Variants in OPCML observed in about 807,000 individuals in gnomAD.
OPCML encodes the protein opioid-binding protein/cell adhesion molecule.
OPCML carries 13 observed loss-of-function variants against 37.8 expected under a neutral mutation model. The ratio of observed to expected loss-of-function variants is 0.34; its 90% CI spans 0.22 to 0.55. The LOEUF (loss-of-function observed/expected upper bound fraction) is 0.55, where lower values mean the gene tolerates loss of function less well. Ranked by LOEUF, OPCML falls within the 20% of genes least tolerant of loss-of-function variation. OPCML has a pLI of 0.91. For missense variants in OPCML, 341 were observed against 435.6 expected (o/e 0.78, Z 1.93); for synonymous variants, 176 against 168.8 (o/e 1.04, Z -0.33).
intron 1 of OPCML, among the ~76,000 whole-genome samples, chr11:133,011,474 G>T (rs149513779): frequency 1.2e-4 from 19 of 152,236 alleles, no homozygotes; most frequent in African/African-American, 4.3e-4. Context: ...TTAGGTTCCC[G>T]AGATTCCATG....
At chr11:132,960,880 C>T (rs1946078624) in intron 1 of OPCML, among the ~76,000 whole-genome samples, 1 of 152,180 alleles carries the variant, frequency 6.6e-6, no homozygotes, top group South Asian at 2.1e-4. Context: ...GAGACTGGGT[C>T]TGCAGCTGGA....
intron 3 of OPCML, among the ~76,000 whole-genome samples, chr11:132,569,916 ACCCAGAGG>A (rs1310226586): frequency 3.9e-5 from 6 of 151,982 alleles, no homozygotes; most frequent in Admixed American, 1.3e-4. Flanking sequence ...AAATTTCACC[ACCCAGAGG>A]CCTTGATCCT....
rs182162312 is a variant in OPCML, at chr11:133,387,449, G to C, written c.61+144815C>G. 1.9e-4 allele frequency among the ~76,000 whole-genome samples: 29 copies of C among 152,330 alleles called. 1 individual carries two copies. Among genetic ancestry groups the C allele is most frequent in the Admixed American group, 1.7e-3 (26 of 15,302 alleles). On this transcript the variant is annotated intron_variant, in intron 1 of 7. Transcript: ENST00000524381. ...CACAAAGATCTCCCTGGACCTGACT[G>C]CTTTCACCTAAGATTAGACAGCCTT...
intron 2 of OPCML, among the ~76,000 whole-genome samples, chr11:132,733,499 G>T (rs1443816692): frequency 3.9e-5 from 6 of 152,122 alleles, no homozygotes; most frequent in Admixed American, 3.9e-4. Flanking sequence ...GGTAGGATGG[G>T]GTTCAAGATA....
chr11:132,584,049 C>CA (rs1275118253), intron 3 of OPCML, among the ~76,000 whole-genome samples: 1 of 151,226 alleles, frequency 6.6e-6, no homozygotes, highest in Non-Finnish European at 1.5e-5. Flanking sequence ...ATTCAAAAAT[C>CA]AAAAAAAGTA....
intron 1 of OPCML, among the ~76,000 whole-genome samples, chr11:133,102,757 C>T (rs1032722942): frequency 6.6e-6 from 1 of 151,832 alleles, no homozygotes; most frequent in Non-Finnish European, 1.5e-5. Context: ...CTCAAAAACA[C>T]AAAAACAAAA....
chr11:132,770,234 G>T (rs756131256), intron 2 of OPCML, among the ~76,000 whole-genome samples: 1 of 152,160 alleles, frequency 6.6e-6, no homozygotes, highest in African/African-American at 2.4e-5. Flanking sequence ...AAACAGACAC[G>T]AATTCCTGCT....
chr11:133,439,619 C>T (rs1441709477), intron 1 of OPCML, among the ~76,000 whole-genome samples: 1 of 152,062 alleles, frequency 6.6e-6, no homozygotes. Context: ...AGGTGCCCGC[C>T]ACCATGCCCG....
intron 2 of OPCML, among the ~76,000 whole-genome samples, chr11:132,733,481 T>C (rs1945153895): frequency 6.6e-6 from 1 of 152,076 alleles, no homozygotes; most frequent in Non-Finnish European, 1.5e-5. Flanking sequence ...CTTGCTGAGA[T>C]TGAAAAGGGT....
In OPCML at chr11:132,436,153, A is replaced by G. The variant is rs1361204488; in HGVS notation, c.849T>C (p.Asp283=). Residue 283 remains aspartate, a synonymous_variant, in exon 7 of 8, where the codon GAT becomes GAC. Coordinates refer to ENST00000524381, the MANE Select transcript of OPCML (RefSeq NM_001012393.5). ...TLTFFNVSEK[D]YGNYTCVATN... is the part of the protein sequence containing the mutation. Reference sequence around the variant, plus strand: ...TGGCCACACAAGTATAGTTCCCATAATCCTTTTCTGAAACATTGAAGAAAG... The same window carrying G: ...TGGCCACACAAGTATAGTTCCCATAGTCCTTTTCTGAAACATTGAAGAAAG... The G allele has an allele frequency of 1.9e-6, 3 of 1,614,186 alleles. No individual in the cohort carries two copies.
At chr11:133,056,756 G>C (rs967186432) in intron 1 of OPCML, among the ~76,000 whole-genome samples, 1 of 152,208 alleles carries the variant, frequency 6.6e-6, no homozygotes, top group African/African-American at 2.4e-5. Flanking sequence ...TTCCGTAAGT[G>C]TAAAATCTCA....
At chr11:132,621,681 G>A (rs1226990820) in intron 3 of OPCML, among the ~76,000 whole-genome samples, 1 of 152,176 alleles carries the variant, frequency 6.6e-6, no homozygotes, top group Non-Finnish European at 1.5e-5. Flanking sequence ...ATGTTGATCT[G>A]CATAGTGTTT....
chr11:133,223,239 G>T (rs1939909806), intron 1 of OPCML, among the ~76,000 whole-genome samples: 3 of 152,206 alleles, frequency 2.0e-5, no homozygotes, highest in Admixed American at 2.0e-4. Context: ...TTTGGAAATG[G>T]CTTCTAACAG....
chr11:133,302,228 G>T (rs774612820), intron 1 of OPCML: 2 of 152,156 alleles, frequency 1.3e-5, no homozygotes, highest in Non-Finnish European at 2.9e-5. Context: ...GCAGGACCAG[G>T]TGGAGGTAAT....
intron 7 of OPCML, chr11:132,435,301 T>A: frequency 8.0e-7 from 1 of 1,252,450 alleles, no homozygotes; most frequent in Non-Finnish European, 1.0e-6. Context: ...TGAAAGCTTG[T>A]GTCTGAGGTG....
intron 7 of OPCML, among the ~76,000 whole-genome samples, chr11:132,425,670 G>A (rs1436364062): frequency 1.3e-5 from 2 of 152,164 alleles, no homozygotes; most frequent in South Asian, 2.1e-4. Context: ...AAAGAAAGAG[G>A]TGTTCTAGAA....
chr11:133,320,794 T>C (rs1185502701), intron 1 of OPCML, among the ~76,000 whole-genome samples: 2 of 152,198 alleles, frequency 1.3e-5, no homozygotes, highest in Non-Finnish European at 2.9e-5. Context: ...GTGCTGTCTC[T>C]CCTTTTTCCC....
chr11:133,293,935 C>A (rs897993697), intron 1 of OPCML, among the ~76,000 whole-genome samples: 144 of 134,834 alleles, frequency 1.1e-3, no homozygotes, highest in African/African-American at 3.5e-3. Context: ...CACACACACA[C>A]AAAAGCATCC....
Position 133,532,338 on chromosome 11 carries a change from TGCTCTCAGCTGCCGG to T in OPCML, c.-29_-15del, listed in dbSNP as rs1167805388. 1.9e-6 allele frequency: 3 copies of T among 1,612,014 alleles called. No individual in the cohort carries two copies. Among genetic ancestry groups the T allele is most frequent in the Non-Finnish European group, 2.5e-6 (3 of 1,179,214 alleles). Reference sequence around the variant, plus strand: ...AGGATGGTACATCTCGACGCTGCGGTGCTCTCAGCTGCCGGGCTTGCTACTGCTTCTGCTGCTGCT... The same window carrying T: ...AGGATGGTACATCTCGACGCTGCGGTGCTTGCTACTGCTTCTGCTGCTGCT... On this transcript the variant is annotated 5_prime_UTR_variant, in exon 1 of 8. Transcript: ENST00000524381.
Sources: allele counts gnomAD v4.1 joint callset (sites outside exome capture counted in the v4.1 genomes callset), GRCh38; gene constraint gnomAD v4.1.1; transcripts MANE v1.5; gene names NCBI Gene and HGNC (gene_info 2026-07-23, HGNC 2026-07-21).